XG: variants seen among roughly 807,000 people sequenced by gnomAD.
XG encodes the protein Xg glycoprotein (Xg blood group), also known as glycoprotein Xg.
In XG, 24 loss-of-function variants were observed where a neutral mutation model predicts 25.7. That is an observed-to-expected ratio of 0.93 (90% CI 0.68 to 1.31). The LOEUF is 1.31. Among genes scored for constraint, XG ranks in the 40% most tolerant of loss-of-function variants. XG has a pLI of 0.00. For missense variants in XG, 181 were observed against 187.6 expected, an observed-to-expected ratio of 0.96 and a Z score of 0.21; for synonymous variants, 77 against 69.2, an observed-to-expected ratio of 1.11 and a Z score of -0.56.
intron 1 of XG, among the ~76,000 whole-genome samples, chrX:2,763,469 G>A (rs944502686): frequency 6.6e-6 from 1 of 151,740 alleles, no homozygotes; most frequent in African/African-American, 2.4e-5. Context: ...CTTCCCTGGG[G>A]CATGTGGCGG....
intron 2 of XG, among the ~76,000 whole-genome samples, chrX:2,772,245 C>G (rs1390316173): frequency 1.3e-5 from 2 of 152,158 alleles, no homozygotes; most frequent in South Asian, 2.1e-4. Context: ...GGAGCAGGGA[C>G]TCAAACAGTT....
rs1045442749 is a variant in XG at position 2,774,566 on chromosome X, C to T, written c.104-150C>T. 3.0e-5 allele frequency: 26 copies of T among 866,848 alleles called. No homozygotes were observed. In the Admixed American group the frequency reaches 5.4e-4, roughly 18 times the overall value. The allele number at this position is 866,848 out of a possible 1,614,324, so 53.7% of individuals were successfully genotyped here. A position where few individuals can be genotyped will look rare whatever the true frequency, so the allele number is the denominator to read the frequency against. Reference sequence around the variant, plus strand: ...AAGGGTGTTTTCTTGTCTTTTTTCTCAATTCAACATGGAATTTGTGTCTAT... The same window carrying T: ...AAGGGTGTTTTCTTGTCTTTTTTCTTAATTCAACATGGAATTTGTGTCTAT... On this transcript the variant is annotated intron_variant, in intron 2 of 10. Transcript: ENST00000644266.
rs2087055254 is a variant in XG, at chrX:2,811,446, A to G, written c.565A>G (p.Thr189Ala). 2.5e-6 allele frequency: 3 copies of G among 1,193,415 alleles called. No individual in the cohort carries two copies. The highest frequency in any genetic ancestry group is 3.4e-6 in the Non-Finnish European group (3 of 884,888). Reference protein sequence around the residue: ...KLNNRRNCFRTHEPENV With the variant: ...KLNNRRNCFRAHEPENV ...AAACAATAGGAGAAATTGTTTCAGG[A>G]CCCATGGTAAGTTTGGCTCTAAACA... The change falls in exon 10 of 11, where the codon ACC (threonine) becomes GCC (alanine). Residue 189 changes from threonine (T) to alanine (A), a missense_variant. Transcript: ENST00000644266.
intron 5 of XG, among the ~76,000 whole-genome samples, chrX:2,791,524 CTCCAAAACCACAGCGTTGTA>C (rs200697044): frequency 0.024 from 2,689 of 109,976 alleles, 42 homozygotes; most frequent in South Asian, 0.039. Flanking sequence ...TCCTGCAAGT[CTCCAAAACCACAGCGTTGTA>C]TCCTAGACTA....
intron 4 of XG, among the ~76,000 whole-genome samples, chrX:2,782,971 A>G (rs1003966827): frequency 5.4e-5 from 6 of 111,913 alleles, no homozygotes; most frequent in South Asian, 3.8e-4. Context: ...GCTCACACCC[A>G]GGAAAGAACA....
chrX:2,780,425 T>TTAAAAA (rs1556369958), intron 3 of XG, among the ~76,000 whole-genome samples: 1 of 126,664 alleles, frequency 7.9e-6, no homozygotes, highest in African/African-American at 3.1e-5. Context: ...TTTTTTTTTC[T>TTAAAAA]AAAAAAAAAA....
chrX:2,798,747 C>T (rs1256440142), intron 7 of XG, among the ~76,000 whole-genome samples: 1 of 111,236 alleles, frequency 9.0e-6, no homozygotes, highest in African/African-American at 3.3e-5. Context: ...CTCAGGTGAT[C>T]CGCCCTCTTC....
intron 1 of XG, among the ~76,000 whole-genome samples, chrX:2,763,501 G>T (rs2050610612): frequency 1.3e-5 from 2 of 151,140 alleles, no homozygotes; most frequent in African/African-American, 4.9e-5. Flanking sequence ...TGGAAGGGGG[G>T]TGAGGGGACG....
rs890843124 is a variant in XG, at chrX:2,815,394, G to C, written c.*1014G>C. 2 of 111,666 alleles carry C rather than the reference G, an allele frequency of 1.8e-5. No individual in the cohort carries two copies. The highest frequency in any genetic ancestry group is 1.9e-4 in the Admixed American group (2 of 10,458). The allele number at this position is 111,666 out of a possible 1,213,427, so 9.2% of individuals were successfully genotyped here. A position where few individuals can be genotyped will look rare whatever the true frequency, so the allele number is the denominator to read the frequency against. ...CATTTAGACTTTGCCATAAATATCA[G>C]AACCAAAGATCAAGACATTCATGTA... On this transcript the variant is annotated 3_prime_UTR_variant, in exon 11 of 11. Coordinates refer to ENST00000644266, the MANE Select transcript of XG (RefSeq NM_001141919.2).
At chrX:2,788,102 A>G (rs1193064777) in intron 4 of XG, among the ~76,000 whole-genome samples, 1 of 110,190 alleles carries the variant, frequency 9.1e-6, no homozygotes, top group Non-Finnish European at 1.9e-5. Context: ...GAGAAAGGGA[A>G]AGAGAGAGAG....
intron 3 of XG, among the ~76,000 whole-genome samples, chrX:2,775,303 G>A (rs2050953060): frequency 6.6e-6 from 1 of 152,184 alleles, no homozygotes; most frequent in Admixed American, 6.5e-5. Flanking sequence ...CCTTGAAGAG[G>A]AATGAAGCAC....
chrX:2,804,585 C>T (rs1446376726), intron 7 of XG, among the ~76,000 whole-genome samples: 1 of 111,552 alleles, frequency 9.0e-6, no homozygotes, highest in African/African-American at 3.3e-5. Context: ...CCTTTTCACC[C>T]CATGCACGAT....
At chrX:2,765,051 A>AGAGGGAGGGAGGG (rs1370881016) in intron 1 of XG, among the ~76,000 whole-genome samples, 1 of 140,686 alleles carries the variant, frequency 7.1e-6, no homozygotes. Flanking sequence ...CAAAAAAAAA[A>AGAGGGAGGGAGGG]AAAAAAAAAA....
At chrX:2,803,600 G>C (rs1180809731) in intron 7 of XG, among the ~76,000 whole-genome samples, 1 of 109,480 alleles carries the variant, frequency 9.1e-6, no homozygotes, top group Non-Finnish European at 1.9e-5. Context: ...GGGAACCATA[G>C]GGGGGTGAAG....
intron 10 of XG, among the ~76,000 whole-genome samples, chrX:2,814,028 C>T (rs1376763123): frequency 8.9e-6 from 1 of 112,214 alleles, no homozygotes; most frequent in East Asian, 2.8e-4. Context: ...AACTTCATTT[C>T]TGCATCATTT....
chrX:2,799,489 G>GT (rs1282918994), intron 7 of XG, among the ~76,000 whole-genome samples: 1 of 111,276 alleles, frequency 9.0e-6, no homozygotes, highest in Non-Finnish European at 1.9e-5. Flanking sequence ...GTGAATCTGT[G>GT]TTTTTTTACA....
At chrX:2,774,826 C>T in intron 3 of XG, 87 bp downstream of exon 3, 4 of 1,537,386 alleles carry the variant, frequency 2.6e-6, no homozygotes, top group Non-Finnish European at 3.6e-6. Context: ...TTTTACAGAA[C>T]TGTGGGGTAT....
intron 6 of XG, among the ~76,000 whole-genome samples, chrX:2,795,615 T>G (rs2086878206): frequency 9.0e-6 from 1 of 110,754 alleles, no homozygotes; most frequent in Non-Finnish European, 1.9e-5. Context: ...TATCTTTATA[T>G]AGGTATATAA....
chrX:2,771,424 A>C (rs2050816901), intron 2 of XG, among the ~76,000 whole-genome samples: 2 of 152,090 alleles, frequency 1.3e-5, no homozygotes. Context: ...GAATCTTCCC[A>C]TTCTGTGTTT....
Sources: gnomAD v4.1 joint callset for allele counts (sites outside exome capture counted in the v4.1 genomes callset) on GRCh38, gnomAD v4.1.1 for gene constraint, MANE v1.5 for transcripts, NCBI Gene and HGNC (gene_info 2026-07-23, HGNC 2026-07-21) for gene names.